E2F8: variants seen among roughly 807,000 people sequenced by gnomAD.
E2F8 encodes transcription factor E2F8.
Under a neutral mutation model 80.8 loss-of-function variants are expected in E2F8, and 35 were observed. That is an observed-to-expected ratio of 0.43 (90% CI 0.33 to 0.57). The LOEUF (loss-of-function observed/expected upper bound fraction) is 0.57, where lower values mean the gene tolerates loss of function less well. Ranked by LOEUF, E2F8 falls within the 20% of genes least tolerant of loss-of-function variation. The pLI is 0.04. For missense variants in E2F8, 975 were observed against 1,056.2 expected (o/e 0.92, Z 1.07); for synonymous variants, 386 against 395.0 (o/e 0.98, Z 0.27).
In E2F8 at chr11:19,235,009, T is replaced by C. The variant is rs777045997; in HGVS notation, c.501A>G (p.Leu167=). 6.2e-7 allele frequency: 1 copy of C among 1,614,224 alleles called. No individual in the cohort carries two copies. The highest frequency in any genetic ancestry group is 8.5e-7 in the Non-Finnish European group (1 of 1,180,032). The change falls in exon 5 of 13, where the codon TTA becomes TTG. Residue 167 remains leucine (L), a synonymous_variant. Transcript: ENST00000250024. ...TTTTGGCGAGGCGGCTCACCATATG[T>C]AAACTCTCTAGGACGTTCACGATAT... ...IYDIVNVLES[L]HMVSRLAKNR...
intron 6 of E2F8, among the ~76,000 whole-genome samples, chr11:19,232,971 A>G (rs935778993): frequency 6.6e-6 from 1 of 152,192 alleles, no homozygotes; most frequent in Non-Finnish European, 1.5e-5. Context: ...ACAAATTACA[A>G]ATCGAGTCTC....
At chr11:19,227,030 G>C (rs1441949434) in intron 10 of E2F8, among the ~76,000 whole-genome samples, 1 of 152,202 alleles carries the variant, frequency 6.6e-6, no homozygotes, top group Non-Finnish European at 1.5e-5. Flanking sequence ...GTTTACACGG[G>C]TGCCTGAACT....
intron 12 of E2F8, 134 bp from the exon 13 acceptor site, chr11:19,224,974 A>G (rs1257559751): frequency 8.3e-7 from 1 of 1,202,360 alleles, no homozygotes; most frequent in East Asian, 2.4e-5. Flanking sequence ...TGGCGAGGGA[A>G]GCTTTGGTGA....
At chr11:19,234,667 T>C (rs2133572579) in intron 5 of E2F8, 77 bp downstream of exon 5, 7 of 1,537,754 alleles carry the variant, frequency 4.6e-6, no homozygotes, top group Non-Finnish European at 6.1e-6. Context: ...GCTTTAGAGC[T>C]GTGTTCTCCA....
chr11:19,224,728 T>C lies in E2F8; in HGVS notation c.2534A>G (p.Asn845Ser), dbSNP rs137938238. The C allele has an allele frequency of 1.2e-3, 1,937 of 1,614,212 alleles. 25 individuals are homozygous for C. In the African/African-American group the frequency reaches 0.023, roughly 19 times the overall value. The change falls in exon 13 of 13, where the codon AAT (asparagine) becomes AGT (serine). Residue 845 changes from asparagine (N) to serine (S), a missense_variant. By Grantham distance (46) the Asn-to-Ser change is conservative. Coordinates refer to ENST00000250024, the MANE Select transcript of E2F8 (RefSeq NM_024680.4). ...SSSCMDFEGA[N>S]KTSLGTLFVP... is the part of the protein sequence containing the mutation. ...AAAGAGAGTTCCTAAGGAGGTTTTA[T>C]TAGCACCCTCAAAATCCATGCAGGA...
At chr11:19,238,203 A>C in intron 2 of E2F8, 71 bp from the exon 3 acceptor site, 1 of 1,458,916 alleles carries the variant, frequency 6.9e-7, no homozygotes, top group South Asian at 1.4e-5. Flanking sequence ...GATTCTAGAA[A>C]TTGCATAACG....
intron 4 of E2F8, among the ~76,000 whole-genome samples, chr11:19,236,777 C>A (rs1851529941): frequency 6.6e-6 from 1 of 152,124 alleles, no homozygotes; most frequent in Non-Finnish European, 1.5e-5. Flanking sequence ...CACCACGGGC[C>A]CCTTTTTAGC....
At position 19,224,613 on chromosome 11, in the gene E2F8, A is replaced by G. The variant is rs1170790996; in HGVS notation, c.*45T>C. On this transcript the variant is annotated 3_prime_UTR_variant, in exon 13 of 13. Coordinates refer to ENST00000250024, the MANE Select transcript of E2F8 (RefSeq NM_024680.4). The stretch of plus-strand genomic sequence containing the variant: ...AAATCAGTCTGTGTACATTTTCTCT[A>G]TTAAACAACTCTTTAGAAAATTAAA... 2.5e-6 allele frequency: 4 copies of G among 1,596,448 alleles called. No homozygotes were observed. The highest frequency in any genetic ancestry group is 1.3e-5 in the African/African-American group (1 of 74,406).
Position 19,224,425 on chromosome 11 carries a change from T to C in E2F8, c.*233A>G. 1 of 398,396 alleles carries C rather than the reference T, an allele frequency of 2.5e-6. No homozygotes were observed. Among genetic ancestry groups the C allele is most frequent in the East Asian group, 4.2e-5 (1 of 23,800 alleles). 24.7% of individuals were successfully genotyped at this position (398,396 alleles called of 1,614,324 possible). Reference sequence around the variant, plus strand: ...TATCTTAGAGTTCAACATTTTACTTTTATTTTGTAGGATTGAAAGCTAAAC... The same window carrying C: ...TATCTTAGAGTTCAACATTTTACTTCTATTTTGTAGGATTGAAAGCTAAAC... On this transcript the variant is annotated 3_prime_UTR_variant, in exon 13 of 13. Transcript: ENST00000250024.
chr11:19,232,130 GA>G (rs1366418927), intron 7 of E2F8, 103 bp downstream of exon 7: 56 of 1,481,440 alleles, frequency 3.8e-5, no homozygotes, highest in Non-Finnish European at 5.0e-5. Flanking sequence ...TGAACAATGA[GA>G]ACACATGGAC....
At chr11:19,232,430 C>T in intron 6 of E2F8, 59 bp from the exon 7 acceptor site, 1 of 1,452,582 alleles carries the variant, frequency 6.9e-7, no homozygotes, top group South Asian at 1.3e-5. Context: ...AAGAATTTTC[C>T]TTCAGAAGGA....
chr11:19,226,326 T>C (rs922287194), intron 10 of E2F8, among the ~76,000 whole-genome samples: 4 of 152,242 alleles, frequency 2.6e-5, no homozygotes, highest in African/African-American at 9.6e-5. Flanking sequence ...TCAAATATAA[T>C]TGGAAAATAC....
intron 12 of E2F8, 133 bp downstream of exon 12, chr11:19,225,088 T>G: frequency 7.5e-7 from 1 of 1,331,430 alleles, no homozygotes. Context: ...GGAAGAAACA[T>G]AGGCCTTCAA....
upstream of E2F8, among the ~76,000 whole-genome samples, chr11:19,241,122 C>A (rs1489998061): frequency 6.6e-6 from 1 of 152,262 alleles, no homozygotes; most frequent in South Asian, 2.1e-4. The surrounding 1 kb of genome is among the most constrained non-coding windows in gnomAD (Gnocchi z 4.5). Context: ...GCCGGACCTT[C>A]CGCCTTCGAT....
chr11:19,229,966 C>A lies in E2F8; in HGVS notation c.1381G>T (p.Val461Leu), dbSNP rs753144421. ...CAGGGTCCAGATCTTGCCAGCTGTA[C>A]TTTCACTTTCTGTCTGGATTCACTG... ...QSSESRQKVK[V>L]QLARSGPCKP... Residue 461 changes from valine (V) to leucine (L), a missense_variant, in exon 10 of 13, where the codon GTA becomes TTA. Val to Leu is a conservative substitution (Grantham distance 32). Transcript: ENST00000250024. This position sits in a 1 kb window ranked among gnomAD's most constrained non-coding sequence, Gnocchi z 4.3. The A allele has an allele frequency of 6.2e-7, 1 of 1,613,778 alleles. No individual in the cohort carries two copies. The highest frequency in any genetic ancestry group is 1.7e-5 in the Admixed American group (1 of 60,020).
In E2F8 at chr11:19,231,759, T is replaced by C. The variant is rs77394802; in HGVS notation, c.1066+475A>G. On this transcript the variant is annotated intron_variant, in intron 7 of 12. Transcript: ENST00000250024. ...TCCGAATGCTTTCACATACAGATTGTACTTCTTGAACACAGGGTGGGAGGT... is the reference window on the plus strand; with the variant it reads ...TCCGAATGCTTTCACATACAGATTGCACTTCTTGAACACAGGGTGGGAGGT... 4.1e-3 allele frequency among the ~76,000 whole-genome samples: 628 copies of C among 152,356 alleles called. 5 individuals are homozygous for C. Among genetic ancestry groups the C allele is most frequent in the African/African-American group, 0.014 (593 of 41,572 alleles).
intron 2 of E2F8, among the ~76,000 whole-genome samples, chr11:19,238,875 G>A (rs959699813): frequency 6.6e-6 from 1 of 152,176 alleles, no homozygotes; most frequent in African/African-American, 2.4e-5. Flanking sequence ...GGCAAAAACA[G>A]CAATTATGTT....
chr11:19,229,496 C>A lies in E2F8; in HGVS notation c.1851G>T (p.Lys617Asn). The A allele has an allele frequency of 3.7e-6, 6 of 1,614,072 alleles. No homozygotes were observed. Among genetic ancestry groups the A allele is most frequent in the Non-Finnish European group, 5.1e-6 (6 of 1,180,002 alleles). The stretch of plus-strand genomic sequence containing the variant: ...GTCCTTTTAGGTCCTCTTTAAATTT[C>A]TTTTTGGAACCACTGTCCTCGAGCA... ...ASMLEDSGSK[K>N]KFKEDLKGLE... Residue 617 changes from lysine to asparagine, a missense_variant, in exon 10 of 13, where the codon AAG (lysine) becomes AAT (asparagine). Physicochemically the swap from Lys to Asn is moderately conservative, Grantham distance 94 (BLOSUM62 0). Transcript: ENST00000250024. This position sits in a 1 kb window ranked among gnomAD's most constrained non-coding sequence, Gnocchi z 4.3.
At chr11:19,228,270 C>T (rs1302319719) in intron 10 of E2F8, among the ~76,000 whole-genome samples, 2 of 152,138 alleles carry the variant, frequency 1.3e-5, no homozygotes, top group African/African-American at 2.4e-5. Flanking sequence ...TATGATTTCC[C>T]ACTTGGCATA....
Sources: gnomAD v4.1 joint callset for allele counts (sites outside exome capture counted in the v4.1 genomes callset) on GRCh38, gnomAD v4.1.1 for gene constraint, Gnocchi (gnomAD v3.1) non-coding constraint, MANE v1.5 for transcripts, NCBI Gene and HGNC (gene_info 2026-07-23, HGNC 2026-07-21) for gene names.